Variants in CD96 observed in about 807,000 individuals in gnomAD.
CD96 encodes the protein CD96 molecule.
In CD96, 70 loss-of-function variants were observed where a neutral mutation model predicts 71.3. That is an observed-to-expected ratio of 0.98 (90% confidence interval 0.81 to 1.20). The LOEUF (loss-of-function observed/expected upper bound fraction) is 1.20. CD96 is among the 50% of genes most tolerant of loss of function. CD96 has a pLI of 0.00. For synonymous variants in CD96, 248 were observed against 233.0 expected, an observed-to-expected ratio of 1.06 and a Z score of -0.59; for missense variants, 742 against 677.5, an observed-to-expected ratio of 1.10 and a Z score of -1.06.
intron 10 of CD96, among the ~76,000 whole-genome samples, chr3:111,631,908 G>A (rs1207339668): frequency 1.3e-5 from 2 of 152,152 alleles, no homozygotes; most frequent in East Asian, 3.8e-4. Context: ...ATTGTGCTGG[G>A]AGAAATGGCT....
chr3:111,593,492 CT>C lies in CD96; in HGVS notation c.808-4624del, dbSNP rs1576362587. On this transcript the variant is annotated intron_variant, in intron 5 of 13. Transcript: ENST00000352690. Reference sequence around the variant, plus strand: ...CATTTGAGTTGAAACTAAAATGGCTCTTTTCTACAAGTCTAGAGTCAATGTT... The same window carrying C: ...CATTTGAGTTGAAACTAAAATGGCTCTTTCTACAAGTCTAGAGTCAATGTT... The C allele has an allele frequency of 9.3e-6, 14 of 1,499,730 alleles. No individual in the cohort carries two copies. In the East Asian group the frequency reaches 3.2e-4, roughly 34 times the overall value. The allele number at this position is 1,499,730 out of a possible 1,614,324, so 92.9% of individuals were successfully genotyped here.
chr3:111,664,803 T>C (rs1243313810), intron 14 of CD96, among the ~76,000 whole-genome samples: 2 of 152,132 alleles, frequency 1.3e-5, no homozygotes, highest in Non-Finnish European at 2.9e-5. Flanking sequence ...AATACCTAAC[T>C]CTAGATTGAA....
chr3:111,625,381 G>T (rs1938700704), intron 10 of CD96, among the ~76,000 whole-genome samples: 1 of 152,104 alleles, frequency 6.6e-6, no homozygotes, highest in Non-Finnish European at 1.5e-5. Flanking sequence ...TAATAAATAT[G>T]TTAATGTAAT....
At position 111,643,268 on chromosome 3, in the gene CD96, A is replaced by G. The variant is rs535750449; in HGVS notation, c.1478-4275A>G. ...CTCAATTGATACAAAAAAAAATTCAACAAAATCCAACATCCCTTTATGATT... is the reference window on the plus strand; with the variant it reads ...CTCAATTGATACAAAAAAAAATTCAGCAAAATCCAACATCCCTTTATGATT... On this transcript the variant is annotated intron_variant, in intron 12 of 13. Transcript: ENST00000352690. 1.2e-4 allele frequency among the ~76,000 whole-genome samples: 19 copies of G among 152,282 alleles called. No individual in the cohort carries two copies. In the South Asian group the frequency reaches 3.7e-3, roughly 30 times the overall value.
At chr3:111,588,627 A>C (rs1408427408) in intron 5 of CD96, among the ~76,000 whole-genome samples, 2 of 152,174 alleles carry the variant, frequency 1.3e-5, no homozygotes, top group African/African-American at 4.8e-5. Flanking sequence ...AGACATACCC[A>C]AGACTGGGTA....
At chr3:111,577,550 G>C (rs373902022) in intron 3 of CD96, 2 of 1,587,668 alleles carry the variant, frequency 1.3e-6, no homozygotes, top group African/African-American at 1.3e-5. Flanking sequence ...GGGTATAAAG[G>C]TATGTAAATT....
At chr3:111,583,476 G>T (rs1487017916) in intron 4 of CD96, among the ~76,000 whole-genome samples, 6 of 152,198 alleles carry the variant, frequency 3.9e-5, no homozygotes, top group Admixed American at 1.3e-4. Context: ...GACTCTGTGT[G>T]GGGGCTCCAA....
At chr3:111,648,312 C>T (rs1363810363) in intron 13 of CD96, among the ~76,000 whole-genome samples, 1 of 152,200 alleles carries the variant, frequency 6.6e-6, no homozygotes, top group African/African-American at 2.4e-5. Context: ...CCCCAGTACC[C>T]AGAACTGATC....
At chr3:111,587,244 A>C (rs1347581467) in intron 5 of CD96, among the ~76,000 whole-genome samples, 1 of 152,204 alleles carries the variant, frequency 6.6e-6, no homozygotes, top group Non-Finnish European at 1.5e-5. Flanking sequence ...GTGGCTTTGC[A>C]GGGTATAACT....
chr3:111,555,924 T>C (rs1280845565), intron 2 of CD96, among the ~76,000 whole-genome samples: 1 of 152,308 alleles, frequency 6.6e-6, no homozygotes, highest in African/African-American at 2.4e-5. Context: ...GATACTGTCC[T>C]ATATGGCTCT....
chr3:111,663,103 G>A (rs1940395826), intron 14 of CD96, among the ~76,000 whole-genome samples: 1 of 152,144 alleles, frequency 6.6e-6, no homozygotes, highest in Admixed American at 6.5e-5. Flanking sequence ...AGGGCAAAGG[G>A]GAAGTAAGCA....
At chr3:111,620,135 A>T (rs1938449079) in intron 8 of CD96, among the ~76,000 whole-genome samples, 1 of 149,876 alleles carries the variant, frequency 6.7e-6, no homozygotes, top group Admixed American at 6.6e-5. Context: ...CGCTGGCCAC[A>T]ATCTCCCACT....
At chr3:111,665,095 A>G (rs188878761) in intron 14 of CD96, among the ~76,000 whole-genome samples, 1 of 152,328 alleles carries the variant, frequency 6.6e-6, no homozygotes, top group Admixed American at 6.5e-5. Context: ...GTATATGCAT[A>G]CAGAGAGAGA....
chr3:111,604,218 G>T (rs933228487), intron 7 of CD96, among the ~76,000 whole-genome samples: 3 of 152,248 alleles, frequency 2.0e-5, no homozygotes, highest in African/African-American at 7.2e-5. Context: ...GGCTGCTGCT[G>T]CCCATGAGGG....
Position 111,650,236 on chromosome 3 carries a change from A to G in CD96, c.*430A>G, listed in dbSNP as rs1940015619. The G allele has an allele frequency of 1.1e-5, 2 of 185,384 alleles. No individual in the cohort carries two copies. The highest frequency in any genetic ancestry group is 1.1e-4 in the Admixed American group (2 of 18,752). 11.5% of individuals were successfully genotyped at this position (185,384 alleles called of 1,614,324 possible). ...GGGGCTTTGCTGCATTCCCTAAGAT[A>G]ATTACAGGAAAAAGAAAATGTAAAA... On this transcript the variant is annotated 3_prime_UTR_variant, in exon 14 of 14. Transcript: ENST00000352690.
intron 10 of CD96, among the ~76,000 whole-genome samples, chr3:111,635,822 A>G (rs986405562): frequency 1.3e-5 from 2 of 152,232 alleles, no homozygotes; most frequent in Admixed American, 1.3e-4. Context: ...GAGATACAAA[A>G]TAAAGACATC....
At chr3:111,584,234 G>C (rs1174711192) in intron 4 of CD96, among the ~76,000 whole-genome samples, 1 of 152,182 alleles carries the variant, frequency 6.6e-6, no homozygotes, top group Non-Finnish European at 1.5e-5. Context: ...TTCCCAACAA[G>C]TTCCTCATCT....
intron 4 of CD96, among the ~76,000 whole-genome samples, chr3:111,581,265 G>A (rs1241886093): frequency 2.0e-5 from 3 of 152,066 alleles, no homozygotes; most frequent in African/African-American, 7.2e-5. Context: ...GGCTGGGCGG[G>A]TTGTGTTTGG....
rs144079254 is a variant in CD96, at chr3:111,623,813, A to T, written c.1240A>T (p.Thr414Ser). ...VDVSALRPNT[T>S]PQPSNSSMTT... ...TGTGAGTGCCTTGAGGCCAAACACCACTCCTCAACGTGAGTTCAGCAAAGT... is the reference window on the plus strand; with the variant it reads ...TGTGAGTGCCTTGAGGCCAAACACCTCTCCTCAACGTGAGTTCAGCAAAGT... The change falls in exon 9 of 14, where the codon ACT becomes TCT. Residue 414 changes from threonine to serine, a missense_variant. Transcript: ENST00000352690. 1.2e-6 allele frequency: 2 copies of T among 1,607,864 alleles called. No homozygotes were observed. Among genetic ancestry groups the T allele is most frequent in the Non-Finnish European group, 1.7e-6 (2 of 1,174,326 alleles).
Sources: gnomAD v4.1 joint callset for allele counts (sites outside exome capture counted in the v4.1 genomes callset) on GRCh38, gnomAD v4.1.1 for gene constraint, MANE v1.5 for transcripts, NCBI Gene and HGNC (gene_info 2026-07-23, HGNC 2026-07-21) for gene names.